The following MACROD2 variants were observed in gnomAD, a reference collection of about 807,000 sequenced individuals.
MACROD2 encodes mono-ADP ribosylhydrolase 2, also known as ADP-ribose glycohydrolase MACROD2.
A neutral mutation model predicts 70.4 loss-of-function variants in MACROD2; 36 were observed. The ratio of observed to expected loss-of-function variants is 0.51; its 90% CI spans 0.39 to 0.68. The LOEUF is 0.68. Among genes scored for constraint, MACROD2 ranks in the 30% least tolerant of loss-of-function variants. The pLI, the probability that MACROD2 is intolerant of heterozygous loss-of-function variation, is 0.00. For synonymous variants in MACROD2, 172 were observed against 178.8 expected, an observed-to-expected ratio of 0.96 and a Z score of 0.30; for missense variants, 496 against 538.4, an observed-to-expected ratio of 0.92 and a Z score of 0.78.
intron 4 of MACROD2, among the ~76,000 whole-genome samples, chr20:14,643,030 G>A (rs1985181743): frequency 6.6e-6 from 1 of 151,894 alleles, no homozygotes; most frequent in African/African-American, 2.4e-5. Context: ...AAAATCTTAG[G>A]TTGAATATTA....
chr20:14,349,897 C>A (rs1455965128), intron 3 of MACROD2, among the ~76,000 whole-genome samples: 1 of 149,952 alleles, frequency 6.7e-6, no homozygotes, highest in Non-Finnish European at 1.5e-5. Flanking sequence ...TACAGGCATG[C>A]ACCACCACGC....
At chr20:14,472,202 C>G (rs1275989388) in intron 3 of MACROD2, among the ~76,000 whole-genome samples, 1 of 152,070 alleles carries the variant, frequency 6.6e-6, no homozygotes, top group Non-Finnish European at 1.5e-5. Context: ...AATAAGCAAT[C>G]TGTTCAATCT....
At chr20:14,002,191 CTT>C (rs1463103248) in intron 1 of MACROD2, 95 bp from the exon 2 acceptor site, 1 of 684,374 alleles carries the variant, frequency 1.5e-6, no homozygotes, top group Non-Finnish European at 2.3e-6. Context: ...TGTATCAACT[CTT>C]TTGTTAGCTT....
chr20:14,366,371 C>CT (rs57269509), intron 3 of MACROD2, among the ~76,000 whole-genome samples: 88,938 of 137,788 alleles, frequency 0.65, 29,343 homozygotes, highest in Non-Finnish European at 0.72. Flanking sequence ...TAACTTGTAA[C>CT]TTTTTTTTTT....
rs530380407 is a variant in MACROD2 at position 14,453,330 on chromosome 20, A to G, written c.272-40149A>G. Among the ~76,000 whole-genome samples the G allele has an allele frequency of 3.3e-5, 5 of 152,234 alleles. No homozygotes were observed. In the South Asian group the frequency reaches 8.3e-4, roughly 25 times the overall value. On this transcript the variant is annotated intron_variant, in intron 3 of 17. Transcript: ENST00000684519. ...TCCTCTTCTTGAAATGGTGCCATCT[A>G]TCTTTGATCACTGCTGTCATTTCCT...
intron 10 of MACROD2, among the ~76,000 whole-genome samples, chr20:15,902,926 C>T (rs2065086986): frequency 6.6e-6 from 1 of 151,778 alleles, no homozygotes. Flanking sequence ...TGGGAGTGAG[C>T]CTGTGTGTGT....
intron 9 of MACROD2, among the ~76,000 whole-genome samples, chr20:15,866,417 T>C (rs930161052): frequency 1.6e-4 from 23 of 147,842 alleles, no homozygotes; most frequent in African/African-American, 5.8e-4. Flanking sequence ...AATAAATAAA[T>C]AAATAAATAT....
intron 3 of MACROD2, among the ~76,000 whole-genome samples, chr20:14,271,404 C>A (rs2122354775): frequency 6.6e-6 from 1 of 152,302 alleles, no homozygotes; most frequent in African/African-American, 2.4e-5. Flanking sequence ...GGACCTCTAG[C>A]AAACTCCAAT....
At chr20:14,655,977 A>G (rs1985954015) in intron 4 of MACROD2, among the ~76,000 whole-genome samples, 1 of 152,194 alleles carries the variant, frequency 6.6e-6, no homozygotes, top group South Asian at 2.1e-4. Context: ...AGAAATGAAG[A>G]AAGGAGCTGT....
intron 5 of MACROD2, among the ~76,000 whole-genome samples, chr20:14,704,490 T>G (rs1157403598): frequency 2.6e-5 from 4 of 152,202 alleles, no homozygotes; most frequent in African/African-American, 9.6e-5. Context: ...TTCCTACTCC[T>G]GTCTCACTTC....
chr20:14,301,273 A>T (rs189487195), intron 3 of MACROD2, among the ~76,000 whole-genome samples: 102 of 152,276 alleles, frequency 6.7e-4, no homozygotes, highest in East Asian at 6.5e-3. Context: ...TTATATTTTT[A>T]AAAAAATGAA....
chr20:14,231,086 G>T (rs150533010), intron 3 of MACROD2, among the ~76,000 whole-genome samples: 1 of 150,846 alleles, frequency 6.6e-6, no homozygotes, highest in East Asian at 2.0e-4. Context: ...AAGCTTTGTT[G>T]TTCCATTTAT....
intron 5 of MACROD2, among the ~76,000 whole-genome samples, chr20:15,021,133 CATACGTGTGTGTATACACACACCTGT>C (rs1163821623): frequency 3.4e-5 from 4 of 117,824 alleles, no homozygotes; most frequent in African/African-American, 1.5e-4. Flanking sequence ...TGTGTATACA[CATACGTGTGTGTATACACACACCTGT>C]GTGTATGTAT....
At chr20:15,311,377 T>C (rs2077750779) in intron 6 of MACROD2, among the ~76,000 whole-genome samples, 1 of 152,216 alleles carries the variant, frequency 6.6e-6, no homozygotes, top group African/African-American at 2.4e-5. Context: ...AATTGCATGC[T>C]GGTATTCAAA....
chr20:15,141,821 C>T (rs993819265), intron 5 of MACROD2, among the ~76,000 whole-genome samples: 3 of 152,142 alleles, frequency 2.0e-5, no homozygotes, highest in African/African-American at 7.2e-5. Context: ...ATGAATGCCT[C>T]ATAGCATGGC....
intron 7 of MACROD2, among the ~76,000 whole-genome samples, chr20:15,446,552 G>A (rs2046567799): frequency 6.6e-6 from 1 of 152,142 alleles, no homozygotes; most frequent in Admixed American, 6.5e-5. Context: ...CGTGGTTTAT[G>A]GTGCCTCTGG....
At chr20:14,662,690 T>C (rs1258356563) in intron 4 of MACROD2, among the ~76,000 whole-genome samples, 2 of 152,074 alleles carry the variant, frequency 1.3e-5, no homozygotes, top group African/African-American at 4.8e-5. Flanking sequence ...GAACAGACAC[T>C]TTTCAGAAGA....
chr20:15,949,212 A>T (rs1020824786), intron 12 of MACROD2, among the ~76,000 whole-genome samples: 1 of 152,206 alleles, frequency 6.6e-6, no homozygotes, highest in Non-Finnish European at 1.5e-5. Flanking sequence ...GCTAAAACTG[A>T]AAGAGTTAAT....
intron 3 of MACROD2, among the ~76,000 whole-genome samples, chr20:14,485,557 C>T (rs1014275692): frequency 5.9e-5 from 9 of 151,910 alleles, no homozygotes; most frequent in Admixed American, 1.3e-4. Context: ...AAAAATTAGC[C>T]GGGCGTGGTG....
Sources: allele counts gnomAD v4.1 joint callset (sites outside exome capture counted in the v4.1 genomes callset), GRCh38; gene constraint gnomAD v4.1.1; transcripts MANE v1.5; gene names NCBI Gene and HGNC (gene_info 2026-07-23, HGNC 2026-07-21).